DDAH1: variants seen among roughly 807,000 people sequenced by gnomAD.
DDAH1 encodes the protein dimethylarginine dimethylaminohydrolase 1.
A neutral mutation model predicts 28.8 loss-of-function variants in DDAH1; 19 were observed. That is an observed-to-expected ratio of 0.66 (90% CI 0.46 to 0.97). The LOEUF (loss-of-function observed/expected upper bound fraction) is 0.97, where lower values mean the gene tolerates loss of function less well. Among genes scored for constraint, DDAH1 ranks in the 50% least tolerant of loss-of-function variants. The probability of loss-of-function intolerance (pLI) is 0.00; values close to 1 mark genes in which losing one functional copy is unlikely to be tolerated. For missense variants in DDAH1, 326 were observed against 375.9 expected (o/e 0.87, Z 1.10); for synonymous variants, 153 against 154.4 (o/e 0.99, Z 0.07).
intron 4 of DDAH1, among the ~76,000 whole-genome samples, chr1:85,329,834 C>G (rs148721345): frequency 4.1e-4 from 62 of 152,180 alleles, no homozygotes; most frequent in African/African-American, 1.4e-3. Context: ...TTCTGCTTAA[C>G]TGAAAAAAAT....
At chr1:85,383,762 G>A (rs531812719) in intron 1 of DDAH1, among the ~76,000 whole-genome samples, 29 of 152,226 alleles carry the variant, frequency 1.9e-4, no homozygotes, top group African/African-American at 5.3e-4. Context: ...ACATTGAGAC[G>A]AGACCCTCCC....
chr1:85,473,506 C>T (rs578253045), intron 2 of DDAH1, among the ~76,000 whole-genome samples: 15 of 152,008 alleles, frequency 9.9e-5, no homozygotes, highest in South Asian at 4.2e-4. Flanking sequence ...CACACGCACG[C>T]GCACAGGGCT....
At chr1:85,385,808 G>A (rs1399581925) in intron 1 of DDAH1, among the ~76,000 whole-genome samples, 1 of 152,286 alleles carries the variant, frequency 6.6e-6, no homozygotes, top group East Asian at 1.9e-4. Context: ...AGGTTCCACA[G>A]GTTGCACAAG....
intron 1 of DDAH1, among the ~76,000 whole-genome samples, chr1:85,365,247 C>T (rs1650012206): frequency 6.6e-6 from 1 of 152,142 alleles, no homozygotes; most frequent in Non-Finnish European, 1.5e-5. Context: ...CTTTCCTACA[C>T]AATATTGTTA....
chr1:85,466,832 C>CTTTTTTTATTTTTTTTTT (rs1655400144), upstream of DDAH1, among the ~76,000 whole-genome samples: 1 of 70,738 alleles, frequency 1.4e-5, no homozygotes. Context: ...ATTATTTATT[C>CTTTTTTTATTTTTTTTTT]TTTTTTTTTT....
chr1:85,387,495 A>G (rs1240657752), intron 1 of DDAH1, among the ~76,000 whole-genome samples: 1 of 152,178 alleles, frequency 6.6e-6, no homozygotes, highest in Non-Finnish European at 1.5e-5. Context: ...GCATAACAAA[A>G]GTGATCTTTG....
At chr1:85,391,548 C>T (rs1651549353) in intron 1 of DDAH1, among the ~76,000 whole-genome samples, 1 of 152,144 alleles carries the variant, frequency 6.6e-6, no homozygotes, top group Admixed American at 6.5e-5. Flanking sequence ...TATCTGAGCT[C>T]AACCAACTAA....
intron 1 of DDAH1, among the ~76,000 whole-genome samples, chr1:85,565,455 GATAT>G (rs1659269249): frequency 6.6e-6 from 1 of 152,146 alleles, no homozygotes; most frequent in Admixed American, 6.5e-5. Flanking sequence ...TTCCTGGTTT[GATAT>G]TGTACTAGTG....
Position 85,370,204 on chromosome 1 carries a change from A to G in DDAH1, c.304-11357T>C, listed in dbSNP as rs376873659. 2.6e-4 allele frequency among the ~76,000 whole-genome samples: 39 copies of G among 152,210 alleles called. No homozygotes were observed. In the East Asian group the frequency reaches 3.3e-3, roughly 13 times the overall value. The stretch of plus-strand genomic sequence containing the variant: ...GAAGAGCAGACTAGGATAAAGAGAC[A>G]TAGATGAAAGGCCATGTGAAGACAC... On this transcript the variant is annotated intron_variant, in intron 1 of 5. Transcript: ENST00000284031.
chr1:85,447,736 T>C (rs1654499633), intron 1 of DDAH1: 1 of 152,242 alleles, frequency 6.6e-6, no homozygotes, highest in African/African-American at 2.4e-5. Flanking sequence ...TCAGTCTGAA[T>C]TATGCAAAAT....
chr1:85,554,919 A>G lies in DDAH1; in HGVS notation c.-123+23065T>C, dbSNP rs377523290. On this transcript the variant is annotated intron_variant, in intron 1 of 6. Transcript: ENST00000426972. ...TGTTAATAAGTCTATTAACAGGCAAATGCATACTAATTAACATGTACATTG... is the reference window on the plus strand; with the variant it reads ...TGTTAATAAGTCTATTAACAGGCAAGTGCATACTAATTAACATGTACATTG... Among the ~76,000 whole-genome samples the G allele has an allele frequency of 5.5e-4, 84 of 152,358 alleles. No individual in the cohort carries two copies. The South Asian group carries it at 0.016, about 30-fold the overall frequency.
At chr1:85,490,836 C>A (rs1656369293) in intron 2 of DDAH1, among the ~76,000 whole-genome samples, 1 of 152,158 alleles carries the variant, frequency 6.6e-6, no homozygotes, top group Non-Finnish European at 1.5e-5. Context: ...GATAGGCCTC[C>A]CTTCCTGGCT....
chr1:85,462,988 A>C (rs1655194230), intron 1 of DDAH1, among the ~76,000 whole-genome samples: 1 of 152,262 alleles, frequency 6.6e-6, no homozygotes, highest in African/African-American at 2.4e-5. Flanking sequence ...AGATTAATAC[A>C]TCTATTACAA....
chr1:85,416,140 G>A (rs1461086821), intron 1 of DDAH1, among the ~76,000 whole-genome samples: 2 of 152,050 alleles, frequency 1.3e-5, no homozygotes, highest in Non-Finnish European at 1.5e-5. Context: ...TTACTTCGAG[G>A]TATGAAAAAA....
chr1:85,541,483 C>T (rs1658468693), intron 1 of DDAH1, among the ~76,000 whole-genome samples: 1 of 152,166 alleles, frequency 6.6e-6, no homozygotes, highest in African/African-American at 2.4e-5. Flanking sequence ...AAAAGTACTT[C>T]TCAGGTATTG....
Position 85,442,395 on chromosome 1 carries a change from A to G in DDAH1, c.303+22348T>C, listed in dbSNP as rs530439659. Among the ~76,000 whole-genome samples the G allele has an allele frequency of 3.9e-5, 6 of 152,310 alleles. No individual in the cohort carries two copies. In the South Asian group the frequency reaches 8.3e-4, roughly 21 times the overall value. On this transcript the variant is annotated intron_variant, in intron 1 of 5. Coordinates refer to ENST00000284031, the MANE Select transcript of DDAH1 (RefSeq NM_012137.4). ...ATGGCTGCATAGTATTCCATGGTGT[A>G]TATGTGCCACATTTTCTTAATCCAG...
chr1:85,371,345 G>C (rs1650374901), intron 1 of DDAH1, among the ~76,000 whole-genome samples: 1 of 152,118 alleles, frequency 6.6e-6, no homozygotes, highest in Admixed American at 6.6e-5. Context: ...TAGCAGTAAA[G>C]CTGGGCACAG....
chr1:85,486,646 G>A (rs897200846), intron 2 of DDAH1, among the ~76,000 whole-genome samples: 2 of 152,132 alleles, frequency 1.3e-5, no homozygotes, highest in Non-Finnish European at 2.9e-5. Flanking sequence ...TGAACTTCTC[G>A]AGTCTGATAG....
At chr1:85,559,875 T>C (rs1236451706) in intron 1 of DDAH1, among the ~76,000 whole-genome samples, 1 of 152,082 alleles carries the variant, frequency 6.6e-6, no homozygotes, top group African/African-American at 2.4e-5. Context: ...CATGCAAACT[T>C]GTCCACATGG....
Sources: allele counts gnomAD v4.1 joint callset (sites outside exome capture counted in the v4.1 genomes callset), GRCh38; gene constraint gnomAD v4.1.1; transcripts MANE v1.5; gene names NCBI Gene and HGNC (gene_info 2026-07-23, HGNC 2026-07-21).